The following ULK4 variants were observed in gnomAD, a reference collection of about 807,000 sequenced individuals.
The protein encoded by ULK4 is unc-51 like kinase 4.
ULK4 carries 133 observed loss-of-function variants against 160.6 expected under a neutral mutation model. That is an observed-to-expected ratio of 0.83 (90% confidence interval 0.72 to 0.96). ULK4 has a LOEUF of 0.96. Among genes scored for constraint, ULK4 ranks in the 40% least tolerant of loss-of-function variants. The pLI, the probability that ULK4 is intolerant of heterozygous loss-of-function variation, is 0.00. For missense variants in ULK4, 1,580 were observed against 1,499.5 expected (o/e 1.05, Z -0.89); for synonymous variants, 534 against 539.8 (o/e 0.99, Z 0.15).
At chr3:41,593,833 CCAG>C (rs2031512361) in intron 31 of ULK4, among the ~76,000 whole-genome samples, 1 of 151,894 alleles carries the variant, frequency 6.6e-6, no homozygotes, top group Non-Finnish European at 1.5e-5. Flanking sequence ...GAAGCTCAGA[CCAG>C]CCTGGGCAAC....
chr3:41,711,329 C>G (rs2037089315), intron 25 of ULK4, among the ~76,000 whole-genome samples: 1 of 152,162 alleles, frequency 6.6e-6, no homozygotes, highest in Admixed American at 6.5e-5. Flanking sequence ...ACCACCCACC[C>G]TGAGCTAGGT....
intron 30 of ULK4, among the ~76,000 whole-genome samples, chr3:41,619,237 A>G (rs1230010248): frequency 6.6e-6 from 1 of 152,214 alleles, no homozygotes; most frequent in African/African-American, 2.4e-5. Flanking sequence ...ATTAACAAGG[A>G]TATTCAGGAC....
At chr3:41,693,562 T>C (rs963599654) in intron 27 of ULK4, among the ~76,000 whole-genome samples, 1 of 152,102 alleles carries the variant, frequency 6.6e-6, no homozygotes, top group African/African-American at 2.4e-5. Context: ...AAAGAACATA[T>C]ATAGTATGTT....
chr3:41,835,871 G>A lies in ULK4; in HGVS notation c.1757C>T (p.Ala586Val), dbSNP rs754217002. 3.1e-6 allele frequency: 5 copies of A among 1,603,998 alleles called. No individual in the cohort carries two copies. The Admixed American group carries it at 8.4e-5, about 27-fold the overall frequency. Residue 586 changes from alanine to valine, a missense_variant, in exon 18 of 37, where the codon GCC (alanine) becomes GTC (valine). Coordinates refer to ENST00000301831, the MANE Select transcript of ULK4 (RefSeq NM_017886.4). The part of the protein sequence containing the change: ...PTLGELIYLV[A>V]TQEEKKKNPR... ...TTAATCAGACAGTCTCACCTGGGTG[G>A]CTACAAGATAGATCAGCTCCCCAAG...
intron 19 of ULK4, among the ~76,000 whole-genome samples, chr3:41,801,509 G>A (rs1350080249): frequency 2.0e-5 from 3 of 149,250 alleles, no homozygotes; most frequent in African/African-American, 7.4e-5. Context: ...ATGACACCAA[G>A]GTACATCATA....
chr3:41,803,406 CTAAATG>C (rs1346147874), intron 19 of ULK4, among the ~76,000 whole-genome samples: 4 of 152,150 alleles, frequency 2.6e-5, no homozygotes, highest in Admixed American at 6.5e-5. Flanking sequence ...AATCACAAAC[CTAAATG>C]TAAAAGTTAG....
intron 27 of ULK4, 142 bp from the exon 28 acceptor site, chr3:41,681,946 T>C: frequency 1.3e-6 from 1 of 794,380 alleles, no homozygotes; most frequent in Non-Finnish European, 2.0e-6. Flanking sequence ...GGATTTAAAC[T>C]CTCCATGACA....
intron 14 of ULK4, 49 bp from the exon 15 acceptor site, chr3:41,897,052 T>A: frequency 1.3e-6 from 2 of 1,485,496 alleles, no homozygotes; most frequent in Non-Finnish European, 1.8e-6. Context: ...GAAAAAGAAC[T>A]GCTGGAAACA....
chr3:41,888,103 G>C (rs1487499264), intron 16 of ULK4, among the ~76,000 whole-genome samples: 2 of 151,720 alleles, frequency 1.3e-5, no homozygotes, highest in African/African-American at 4.8e-5. Flanking sequence ...TTTTTTTAGA[G>C]TGAGTCTCTA....
intron 19 of ULK4, among the ~76,000 whole-genome samples, chr3:41,803,561 T>C (rs980446973): frequency 2.6e-5 from 4 of 152,144 alleles, no homozygotes; most frequent in Non-Finnish European, 4.4e-5. Context: ...TGTATACATG[T>C]GCCATGCTGG....
At chr3:41,745,765 T>G (rs1204506052) in intron 22 of ULK4, among the ~76,000 whole-genome samples, 1 of 151,432 alleles carries the variant, frequency 6.6e-6, no homozygotes, top group Non-Finnish European at 1.5e-5. Context: ...AACAAAATAT[T>G]AGCAAATCAA....
intron 32 of ULK4, among the ~76,000 whole-genome samples, chr3:41,489,003 A>G (rs1253730650): frequency 6.6e-6 from 1 of 152,108 alleles, no homozygotes; most frequent in African/African-American, 2.4e-5. Flanking sequence ...CCTCCCACTG[A>G]GGCTCTATCT....
intron 21 of ULK4, among the ~76,000 whole-genome samples, chr3:41,785,864 C>T (rs2125588147): frequency 6.6e-6 from 1 of 152,286 alleles, no homozygotes; most frequent in East Asian, 1.9e-4. Context: ...ATGTCCCTTC[C>T]TCCCTGCTGG....
chr3:41,337,406 TC>T (rs2080584630), intron 35 of ULK4, among the ~76,000 whole-genome samples: 2 of 152,056 alleles, frequency 1.3e-5, no homozygotes, highest in Non-Finnish European at 2.9e-5. Context: ...GGGCGAGGCC[TC>T]CTCATCTGCT....
chr3:41,387,259 T>A (rs1199645125), intron 35 of ULK4, among the ~76,000 whole-genome samples: 1 of 152,202 alleles, frequency 6.6e-6, no homozygotes, highest in African/African-American at 2.4e-5. Flanking sequence ...TCTCTAGCTC[T>A]AGCTACCTAC....
chr3:41,909,482 C>A (rs1363881234), intron 11 of ULK4, among the ~76,000 whole-genome samples: 1 of 152,074 alleles, frequency 6.6e-6, no homozygotes, highest in Admixed American at 6.6e-5. Context: ...GAGGCCAAGA[C>A]AGGCAGATCA....
chr3:41,548,799 C>T (rs2086960111), intron 32 of ULK4, among the ~76,000 whole-genome samples: 1 of 152,060 alleles, frequency 6.6e-6, no homozygotes, highest in Non-Finnish European at 1.5e-5. Context: ...ACCCTCAGGT[C>T]ACTGCCGCCG....
chr3:41,485,382 A>T (rs1306698157), intron 32 of ULK4, among the ~76,000 whole-genome samples: 1 of 152,226 alleles, frequency 6.6e-6, no homozygotes, highest in African/African-American at 2.4e-5. Context: ...AATGCTTCCC[A>T]TAGGAAGTTG....
chr3:41,758,058 C>A (rs1176938293), intron 21 of ULK4, among the ~76,000 whole-genome samples: 2 of 152,060 alleles, frequency 1.3e-5, no homozygotes, highest in East Asian at 1.9e-4. Flanking sequence ...TAAGGACTAT[C>A]CCTCATGAAT....
Sources: gnomAD v4.1 joint callset for allele counts (sites outside exome capture counted in the v4.1 genomes callset) on GRCh38, gnomAD v4.1.1 for gene constraint, MANE v1.5 for transcripts, NCBI Gene and HGNC (gene_info 2026-07-23, HGNC 2026-07-21) for gene names.